PRKAG1: variants seen among roughly 807,000 people sequenced by gnomAD.
The protein encoded by PRKAG1 is 5'-AMP-activated protein kinase subunit gamma-1.
In PRKAG1, 27 loss-of-function variants were observed where a neutral mutation model predicts 48.2. That is an observed-to-expected ratio of 0.56 (90% CI 0.41 to 0.77). The LOEUF (loss-of-function observed/expected upper bound fraction) is 0.77. Ranked by LOEUF, PRKAG1 falls within the 30% of genes least tolerant of loss-of-function variation. The probability of loss-of-function intolerance (pLI) is 0.00; values close to 1 mark genes in which losing one functional copy is unlikely to be tolerated. For synonymous variants in PRKAG1, 130 were observed against 147.7 expected, an observed-to-expected ratio of 0.88 and a Z score of 0.87; for missense variants, 287 against 398.3, an observed-to-expected ratio of 0.72 and a Z score of 2.38.
chr12:49,002,956 T>C lies in PRKAG1; in HGVS notation c.939A>G (p.Val313=), dbSNP rs141713774. The part of the protein sequence containing the change: ...VDENDVVKGI[V]SLSDILQALV... ...GGGCCTGCAGGATGTCAGACAGTGATACAATTCCCTTGACCACATCATTTT... is the reference window on the plus strand; with the variant it reads ...GGGCCTGCAGGATGTCAGACAGTGACACAATTCCCTTGACCACATCATTTT... Residue 313 remains valine, a synonymous_variant, in exon 12 of 12, where the codon GTA becomes GTG. Coordinates refer to ENST00000548065, the MANE Select transcript of PRKAG1 (RefSeq NM_002733.5). 18 of 1,614,222 alleles carry C rather than the reference T, an allele frequency of 1.1e-5. No individual in the cohort carries two copies. The African/African-American group carries it at 2.3e-4, about 20-fold the overall frequency.
chr12:49,016,112 A>AT (rs1463432884), intron 1 of PRKAG1, among the ~76,000 whole-genome samples: 1 of 151,312 alleles, frequency 6.6e-6, no homozygotes, highest in African/African-American at 2.4e-5. Context: ...TACTTTTTGT[A>AT]TTTTTTTGTA....
intron 10 of PRKAG1, 62 bp from the exon 11 acceptor site, chr12:49,003,352 C>T: frequency 6.2e-7 from 1 of 1,602,932 alleles, no homozygotes; most frequent in Non-Finnish European, 8.5e-7. Context: ...AACCCTGAAC[C>T]CATCCAACCT....
chr12:49,008,062 T>C (rs907334929), intron 2 of PRKAG1, among the ~76,000 whole-genome samples: 5 of 152,130 alleles, frequency 3.3e-5, no homozygotes, highest in Admixed American at 2.0e-4. Flanking sequence ...TTTCACCACA[T>C]TGGCCAGGCT....
At chr12:49,017,113 T>G (rs1030578245) in intron 1 of PRKAG1, 2 of 455,598 alleles carry the variant, frequency 4.4e-6, no homozygotes, top group African/African-American at 4.0e-5. Flanking sequence ...CAGCATTTAT[T>G]ATAGTCTACC....
intron 1 of PRKAG1, among the ~76,000 whole-genome samples, chr12:49,013,683 T>TA (rs1379163925): frequency 6.6e-6 from 1 of 152,172 alleles, no homozygotes; most frequent in African/African-American, 2.4e-5. Flanking sequence ...ACATGGCTGA[T>TA]AAGGGGTGGA....
At chr12:49,018,440 G>T (rs969854824) in intron 1 of PRKAG1, 2 of 1,324,310 alleles carry the variant, frequency 1.5e-6, no homozygotes, top group South Asian at 3.9e-5. Flanking sequence ...AATAGGAAAG[G>T]AGGCCCGAGA....
chr12:49,006,314 G>A (rs1941533151), intron 2 of PRKAG1, among the ~76,000 whole-genome samples: 1 of 152,026 alleles, frequency 6.6e-6, no homozygotes, highest in African/African-American at 2.4e-5. Context: ...TGAGGCAGAG[G>A]ATCACTTGAA....
At position 49,004,945 on chromosome 12, in the gene PRKAG1, A is replaced by G; in HGVS notation, c.410+19T>C. 6.2e-7 allele frequency: 1 copy of G among 1,612,942 alleles called. No homozygotes were observed. The highest frequency in any genetic ancestry group is 8.5e-7 in the Non-Finnish European group (1 of 1,179,214). The stretch of plus-strand genomic sequence containing the variant: ...AAAATCTCTTCCGCTTTTTGGACAG[A>G]TGGGTAACTGGAACTCACCTGGCAT... On this transcript the variant is annotated intron_variant, in intron 7 of 11. Coordinates refer to ENST00000548065, the MANE Select transcript of PRKAG1 (RefSeq NM_002733.5).
At chr12:49,012,742 A>C in intron 2 of PRKAG1, 1 of 285,450 alleles carries the variant, frequency 3.5e-6, no homozygotes, top group South Asian at 4.3e-5. Flanking sequence ...TCCTGGTAGC[A>C]CTGTTTCTGG....
chr12:49,004,304 T>TA (rs1941426319), intron 8 of PRKAG1: 1 of 617,426 alleles, frequency 1.6e-6, no homozygotes, highest in East Asian at 3.1e-5. Context: ...AATAAATTAA[T>TA]AAATAAATAA....
intron 10 of PRKAG1, 48 bp downstream of exon 10, chr12:49,003,510 C>CT: frequency 6.6e-7 from 1 of 1,526,262 alleles, no homozygotes; most frequent in Non-Finnish European, 8.8e-7. Flanking sequence ...TTAACAGTGC[C>CT]CCCCCCCCAC....
chr12:49,018,744 A>G lies in PRKAG1; in HGVS notation c.-4T>C, dbSNP rs371103427. On this transcript the variant is annotated 5_prime_UTR_variant, in exon 1 of 12. Transcript: ENST00000548065. ...CTGCACTCCTCACCGTCTCCATTGC[A>G]AGAGGCGCCCGGCTTGGTTTCCTCG... The G allele has an allele frequency of 3.1e-6, 5 of 1,612,982 alleles. No homozygotes were observed. The highest frequency in any genetic ancestry group is 2.2e-5 in the South Asian group (2 of 91,036).
chr12:49,016,736 A>C (rs1260437169), intron 1 of PRKAG1: 1 of 156,266 alleles, frequency 6.4e-6, no homozygotes, highest in East Asian at 1.9e-4. Context: ...CCCCATTAAC[A>C]AGAAACTTTA....
chr12:49,005,958 A>AT lies in PRKAG1; in HGVS notation c.59-107dup. Reference sequence around the variant, plus strand: ...TAGTATCTCAAATATTTAGAGCATTATTTTTTAATAAGACCCCTTATTTTA... The same window carrying AT: ...TAGTATCTCAAATATTTAGAGCATTATTTTTTTAATAAGACCCCTTATTTTA... On this transcript the variant is annotated intron_variant, in intron 2 of 11. Transcript: ENST00000548065. This position sits in a 1 kb window ranked among gnomAD's most constrained non-coding sequence, Gnocchi z 4.1. The AT allele has an allele frequency of 3.7e-6, 3 of 811,612 alleles. No individual in the cohort carries two copies. Among genetic ancestry groups the AT allele is most frequent in the Non-Finnish European group, 5.8e-6 (3 of 515,110 alleles). The allele number at this position is 811,612 out of a possible 1,614,324, so 50.3% of individuals were successfully genotyped here.
chr12:49,013,513 C>A (rs866639709), intron 1 of PRKAG1, among the ~76,000 whole-genome samples: 1 of 152,126 alleles, frequency 6.6e-6, no homozygotes, highest in Non-Finnish European at 1.5e-5. Context: ...CAAAGCACTA[C>A]GATTACAGGC....
Position 49,004,958 on chromosome 12 carries a change from A to T in PRKAG1, c.410+6T>A. On this transcript the variant is annotated splice_donor_region_variant and intron_variant, in intron 7 of 11. Transcript: ENST00000548065. ...CTTTTTGGACAGATGGGTAACTGGA[A>T]CTCACCTGGCATTAGGAGAAATGCA... The T allele has an allele frequency of 6.2e-7, 1 of 1,613,532 alleles. No homozygotes were observed. The highest frequency in any genetic ancestry group is 8.5e-7 in the Non-Finnish European group (1 of 1,179,796).
At chr12:49,017,231 C>G in intron 1 of PRKAG1, 1 of 455,792 alleles carries the variant, frequency 2.2e-6, no homozygotes. Flanking sequence ...GACAGGATCT[C>G]ACTGTGTCAC....
rs1941493171 is a variant in PRKAG1 at position 49,005,303 on chromosome 12, T to C, written c.309+3A>G. On this transcript the variant is annotated splice_donor_region_variant and intron_variant, in intron 5 of 11. Coordinates refer to ENST00000548065, the MANE Select transcript of PRKAG1 (RefSeq NM_002733.5). The surrounding 1 kb of genome is among the most constrained non-coding windows in gnomAD (Gnocchi z 4.1). ...TTTTGGTCATTGGGTTAAGGTTCCT[T>C]ACCAAGGCTGATTTATAGTAGCGGT... The C allele has an allele frequency of 6.2e-7, 1 of 1,614,158 alleles. No individual in the cohort carries two copies.
intron 2 of PRKAG1, among the ~76,000 whole-genome samples, chr12:49,007,577 T>C (rs900125325): frequency 3.3e-5 from 5 of 152,166 alleles, no homozygotes; most frequent in Non-Finnish European, 5.9e-5. Flanking sequence ...ATTGCACTCC[T>C]TGCAACCCAC....
Sources: allele counts gnomAD v4.1 joint callset (sites outside exome capture counted in the v4.1 genomes callset), GRCh38; gene constraint gnomAD v4.1.1; non-coding constraint Gnocchi (gnomAD v3.1); transcripts MANE v1.5; gene names NCBI Gene and HGNC (gene_info 2026-07-23, HGNC 2026-07-21).